The following GPATCH2L variants were observed in gnomAD, a reference collection of about 807,000 sequenced individuals.
GPATCH2L encodes the protein G-patch domain containing 2 like.
A neutral mutation model predicts 57.4 loss-of-function variants in GPATCH2L; 31 were observed. The observed-to-expected ratio is 0.54, with a 90% confidence interval of 0.41 to 0.73. The LOEUF (loss-of-function observed/expected upper bound fraction) is 0.73, where lower values mean the gene tolerates loss of function less well. Among genes scored for constraint, GPATCH2L ranks in the 30% least tolerant of loss-of-function variants. GPATCH2L has a pLI of 0.00. For synonymous variants in GPATCH2L, 199 were observed against 210.7 expected (o/e 0.94, Z 0.48); for missense variants, 481 against 599.9 (o/e 0.80, Z 2.07).
intron 1 of GPATCH2L, among the ~76,000 whole-genome samples, chr14:76,226,670 G>A (rs1228900494): frequency 1.3e-5 from 2 of 152,170 alleles, no homozygotes; most frequent in Non-Finnish European, 2.9e-5. Context: ...GGGCTCGTGG[G>A]CGTGGGTTCA....
Position 76,173,611 on chromosome 14 carries a change from A to C in GPATCH2L, c.970A>C (p.Arg324=). 6.2e-7 allele frequency: 1 copy of C among 1,608,948 alleles called. No homozygotes were observed. The highest frequency in any genetic ancestry group is 1.1e-5 in the South Asian group (1 of 90,960). The change falls in exon 5 of 10, where the codon AGG becomes CGG. Residue 324 remains arginine (R), a synonymous_variant. Coordinates refer to ENST00000261530, the MANE Select transcript of GPATCH2L (RefSeq NM_017926.4). ...AARCLRKGRR[R]LVGKETSINT... ...TCGATGCCTCAGAAAGGGGCGAAGAAGGCTGGTTGGGAAGGTGATACCTCT... is the reference window on the plus strand; with the variant it reads ...TCGATGCCTCAGAAAGGGGCGAAGACGGCTGGTTGGGAAGGTGATACCTCT...
intron 9 of GPATCH2L, among the ~76,000 whole-genome samples, chr14:76,201,296 G>C (rs2040304870): frequency 2.0e-5 from 3 of 152,062 alleles, no homozygotes; most frequent in African/African-American, 7.2e-5. Context: ...GTATACCTTA[G>C]CTCCCTGATC....
rs761631486 is a variant in GPATCH2L, at chr14:76,195,870, A to C, written c.1194-8A>C. 1.3e-5 allele frequency: 21 copies of C among 1,607,000 alleles called. No individual in the cohort carries two copies. Among genetic ancestry groups the C allele is most frequent in the Non-Finnish European group, 1.7e-5 (20 of 1,173,608 alleles). On this transcript the variant is annotated splice_polypyrimidine_tract_variant and splice_region_variant and intron_variant, in intron 8 of 9. Coordinates refer to ENST00000261530, the MANE Select transcript of GPATCH2L (RefSeq NM_017926.4). ...TTCAAACCATTTTTCTTCTTCTTAC[A>C]TCTGCAGACAGGCAAATGTACACTG... is the stretch of plus-strand genomic sequence containing the variant.
intron 3 of GPATCH2L, among the ~76,000 whole-genome samples, chr14:76,171,391 A>G (rs1442730764): frequency 1.3e-5 from 2 of 152,178 alleles, no homozygotes; most frequent in African/African-American, 2.4e-5. Flanking sequence ...CGTGGCCAAC[A>G]TGGCAAAACC....
intron 8 of GPATCH2L, among the ~76,000 whole-genome samples, chr14:76,186,508 A>G (rs945626469): frequency 1.3e-5 from 2 of 152,150 alleles, no homozygotes; most frequent in African/African-American, 4.8e-5. Context: ...GGAACCTTTT[A>G]TTAGTCCTGT....
At chr14:76,183,716 T>G (rs1166275107) in intron 8 of GPATCH2L, among the ~76,000 whole-genome samples, 3 of 152,220 alleles carry the variant, frequency 2.0e-5, no homozygotes, top group Admixed American at 2.0e-4. Context: ...GTCACTCCTT[T>G]GTAATCGTTC....
chr14:76,191,127 C>T (rs1900125), intron 8 of GPATCH2L, among the ~76,000 whole-genome samples: 119,567 of 151,670 alleles, frequency 0.79, 47,643 homozygotes, highest in South Asian at 0.88. Flanking sequence ...TTCAGACTCT[C>T]TATCCTTGTT....
At chr14:76,221,406 A>G (rs2040514570) in intron 1 of GPATCH2L, among the ~76,000 whole-genome samples, 1 of 152,224 alleles carries the variant, frequency 6.6e-6, no homozygotes, top group African/African-American at 2.4e-5. Flanking sequence ...ATGGGCATGA[A>G]AAATGGCACA....
chr14:76,219,014 A>G (rs1448273494), downstream of GPATCH2L, among the ~76,000 whole-genome samples: 4 of 151,580 alleles, frequency 2.6e-5, no homozygotes, highest in African/African-American at 9.7e-5. Context: ...ACAAAAAAAA[A>G]AAAAAAAAGG....
In GPATCH2L at chr14:76,163,544, A is replaced by C. The variant is rs376972708; in HGVS notation, c.663-3119A>C. ...AATGAAGATAGGTTTGCATCTTATA[A>C]AATTTAGAGTGCTGTTCTAATGAGA... On this transcript the variant is annotated intron_variant, in intron 2 of 9. Coordinates refer to ENST00000261530, the MANE Select transcript of GPATCH2L (RefSeq NM_017926.4). 1.2e-4 allele frequency among the ~76,000 whole-genome samples: 19 copies of C among 152,308 alleles called. No individual in the cohort carries two copies. The East Asian group carries it at 1.7e-3, about 14-fold the overall frequency.
intron 5 of GPATCH2L, chr14:76,175,635 A>G (rs2039289591): frequency 6.6e-6 from 1 of 152,178 alleles, no homozygotes; most frequent in Admixed American, 6.5e-5. Context: ...GCTATAAGAA[A>G]TGCAGAACAT....
rs930686110 is a variant in GPATCH2L at position 76,186,997 on chromosome 14, CCT to C, written c.1193+6151_1193+6152del. Among the ~76,000 whole-genome samples, 93 of 150,738 alleles carry C rather than the reference CCT, an allele frequency of 6.2e-4. 1 individual carries two copies. Among genetic ancestry groups the C allele is most frequent in the African/African-American group, 2.1e-3 (88 of 41,108 alleles). On this transcript the variant is annotated intron_variant, in intron 8 of 9. Coordinates refer to ENST00000261530, the MANE Select transcript of GPATCH2L (RefSeq NM_017926.4). ...GGATCGCTTCCTGTTAGATAAGCCTCCTCTGTTTCCTATGATAATTGTGAAGT... is the reference window on the plus strand; with the variant it reads ...GGATCGCTTCCTGTTAGATAAGCCTCCTGTTTCCTATGATAATTGTGAAGT...
At chr14:76,177,136 C>G (rs1181475600) in intron 6 of GPATCH2L, among the ~76,000 whole-genome samples, 5 of 152,096 alleles carry the variant, frequency 3.3e-5, no homozygotes, top group Non-Finnish European at 5.9e-5. Context: ...ACCTCTGCCT[C>G]CTAGGCTCAA....
In GPATCH2L at chr14:76,154,637, A is replaced by G. The variant is rs149688470; in HGVS notation, c.274A>G (p.Met92Val). Reference sequence around the variant, plus strand: ...CAATTTTAGTGACTCTGATGACACAATGGTAGCCAAACGACACCCAGCTCT... The same window carrying G: ...CAATTTTAGTGACTCTGATGACACAGTGGTAGCCAAACGACACCCAGCTCT... ...VTNFSDSDDT[M>V]VAKRHPALNA... Residue 92 changes from methionine to valine, a missense_variant, in exon 2 of 10, where the codon ATG (methionine) becomes GTG (valine). Coordinates refer to ENST00000261530, the MANE Select transcript of GPATCH2L (RefSeq NM_017926.4). The surrounding 1 kb of genome is among the most constrained non-coding windows in gnomAD (Gnocchi z 4.4). The G allele has an allele frequency of 3.3e-3, 5,317 of 1,614,258 alleles. 17 individuals are homozygous for G. Among genetic ancestry groups the G allele is most frequent in the Non-Finnish European group, 3.8e-3 (4,447 of 1,180,038 alleles).
chr14:76,173,469 C>A (rs1303079435), intron 4 of GPATCH2L, 77 bp from the exon 5 acceptor site: 2 of 844,942 alleles, frequency 2.4e-6, no homozygotes, highest in Admixed American at 2.2e-5. Context: ...GGGGGTAAAG[C>A]CTTCAGTGTA....
intron 1 of GPATCH2L, chr14:76,152,551 T>C (rs1024113299): frequency 9.6e-6 from 4 of 417,646 alleles, no homozygotes; most frequent in South Asian, 6.7e-5. Context: ...CGTTCCTTCC[T>C]GTGCGTGACT....
chr14:76,216,315 A>G (rs1178612858), downstream of GPATCH2L, among the ~76,000 whole-genome samples: 1 of 152,186 alleles, frequency 6.6e-6, no homozygotes, highest in African/African-American at 2.4e-5. Context: ...TGCTACTTGT[A>G]TGTTGCAAAA....
Position 76,207,977 on chromosome 14 carries a change from A to G in GPATCH2L, c.*6126A>G, listed in dbSNP as rs1180219575. On this transcript the variant is annotated 3_prime_UTR_variant, in exon 10 of 10. Transcript: ENST00000261530. Reference sequence around the variant, plus strand: ...TTGCAAAGGTGTACTAGGAGTTCTCATTTCCTCAGATGCTCATGTCTGTAG... The same window carrying G: ...TTGCAAAGGTGTACTAGGAGTTCTCGTTTCCTCAGATGCTCATGTCTGTAG... 1.3e-5 allele frequency: 2 copies of G among 152,180 alleles called. No individual in the cohort carries two copies. Among genetic ancestry groups the G allele is most frequent in the African/African-American group, 2.4e-5 (1 of 41,438 alleles). The allele number at this position is 152,180 out of a possible 1,614,324, so 9.4% of individuals were successfully genotyped here. A position where few individuals can be genotyped will look rare whatever the true frequency, so the allele number is the denominator to read the frequency against.
At chr14:76,197,953 C>A (rs1391577224) in intron 9 of GPATCH2L, among the ~76,000 whole-genome samples, 1 of 152,094 alleles carries the variant, frequency 6.6e-6, no homozygotes, top group African/African-American at 2.4e-5. Flanking sequence ...TTTCCCCTCC[C>A]CCAGTGGTAG....
Sources: gnomAD v4.1 joint callset for allele counts (sites outside exome capture counted in the v4.1 genomes callset) on GRCh38, gnomAD v4.1.1 for gene constraint, Gnocchi (gnomAD v3.1) non-coding constraint, MANE v1.5 for transcripts, NCBI Gene and HGNC (gene_info 2026-07-23, HGNC 2026-07-21) for gene names.